The following SLC9A9 variants were observed in gnomAD, a reference collection of about 807,000 sequenced individuals.
SLC9A9 encodes the protein sodium/hydrogen exchanger 9.
SLC9A9 carries 62 observed loss-of-function variants against 77.8 expected under a neutral mutation model. The observed-to-expected ratio is 0.80, with a 90% CI of 0.65 to 0.98. SLC9A9 has a LOEUF of 0.98. SLC9A9 is among the 50% of genes least tolerant of loss of function. The pLI is 0.00. For synonymous variants in SLC9A9, 320 were observed against 283.5 expected, an observed-to-expected ratio of 1.13 and a Z score of -1.29; for missense variants, 775 against 774.9, an observed-to-expected ratio of 1.00 and a Z score of 0.00.
chr3:143,354,055 T>C (rs114135526), intron 14 of SLC9A9, among the ~76,000 whole-genome samples: 47 of 152,310 alleles, frequency 3.1e-4, no homozygotes, highest in African/African-American at 1.1e-3. Flanking sequence ...GGCTTATTCA[T>C]TGTCCCTCCA....
chr3:143,334,083 G>A (rs2031855873), intron 14 of SLC9A9, among the ~76,000 whole-genome samples: 1 of 152,188 alleles, frequency 6.6e-6, no homozygotes, highest in South Asian at 2.1e-4. Flanking sequence ...AAATCTCTGG[G>A]TAAAACATTT....
At chr3:143,582,125 T>C (rs1277906777) in intron 6 of SLC9A9, among the ~76,000 whole-genome samples, 1 of 152,190 alleles carries the variant, frequency 6.6e-6, no homozygotes, top group Non-Finnish European at 1.5e-5. Flanking sequence ...TTAGCAGACA[T>C]TGACTATGCA....
intron 14 of SLC9A9, chr3:143,313,330 T>A (rs1046124573): frequency 6.6e-6 from 1 of 152,236 alleles, no homozygotes; most frequent in African/African-American, 2.4e-5. Context: ...GCAGATTAAA[T>A]CATGTCCCTG....
In SLC9A9 at chr3:143,738,048, G is replaced by A. The variant is rs115896984; in HGVS notation, c.534-44741C>T. Reference sequence around the variant, plus strand: ...TTTGGTGCATTTCCCTTTATTACAGGGGTTGGAAGACCAAAAACTACATTT... The same window carrying A: ...TTTGGTGCATTTCCCTTTATTACAGAGGTTGGAAGACCAAAAACTACATTT... On this transcript the variant is annotated intron_variant, in intron 4 of 15. Transcript: ENST00000316549. 3.3e-3 allele frequency among the ~76,000 whole-genome samples: 503 copies of A among 152,112 alleles called. 5 individuals carry two copies. The highest frequency in any genetic ancestry group is 0.011 in the African/African-American group (471 of 41,490).
intron 6 of SLC9A9, among the ~76,000 whole-genome samples, chr3:143,606,436 CTATATATA>C (rs60773685): frequency 0.022 from 1,211 of 54,230 alleles, 28 homozygotes; most frequent in East Asian, 0.082. Context: ...CTCTCTCTCT[CTATATATA>C]TATATATATA....
intron 5 of SLC9A9, among the ~76,000 whole-genome samples, chr3:143,663,177 T>G (rs1042428395): frequency 2.0e-5 from 3 of 152,190 alleles, no homozygotes; most frequent in African/African-American, 7.2e-5. Context: ...AAACAGGGTC[T>G]GCAGTGGACC....
intron 14 of SLC9A9, among the ~76,000 whole-genome samples, chr3:143,331,626 G>A (rs572805365): frequency 2.7e-4 from 41 of 152,270 alleles, no homozygotes; most frequent in African/African-American, 8.7e-4. Flanking sequence ...TATTCAGTAG[G>A]CTCCTCCTGA....
chr3:143,557,805 A>T (rs2037012989), intron 8 of SLC9A9, among the ~76,000 whole-genome samples: 1 of 152,244 alleles, frequency 6.6e-6, no homozygotes, highest in African/African-American at 2.4e-5. Flanking sequence ...AGCATTCAAG[A>T]AAACTCAAAA....
At chr3:143,706,449 A>C (rs1198457317) in intron 4 of SLC9A9, among the ~76,000 whole-genome samples, 1 of 145,310 alleles carries the variant, frequency 6.9e-6, no homozygotes, top group East Asian at 2.0e-4. Flanking sequence ...GGCCCACTCT[A>C]CTTAGACTTT....
intron 6 of SLC9A9, among the ~76,000 whole-genome samples, chr3:143,631,472 A>G (rs1328733755): frequency 1.3e-5 from 2 of 152,180 alleles, no homozygotes; most frequent in Non-Finnish European, 2.9e-5. Flanking sequence ...TCAATATTAC[A>G]GGTGACAAAT....
chr3:143,389,353 A>G (rs1193646607), intron 12 of SLC9A9, among the ~76,000 whole-genome samples: 2 of 152,216 alleles, frequency 1.3e-5, no homozygotes, highest in Non-Finnish European at 2.9e-5. Context: ...CTAAGTTAGC[A>G]GTGGTGGAAA....
At chr3:143,785,982 A>G (rs916227359) in intron 4 of SLC9A9, among the ~76,000 whole-genome samples, 2 of 147,562 alleles carry the variant, frequency 1.4e-5, no homozygotes, top group Admixed American at 6.9e-5. Flanking sequence ...TCAGCCTCCC[A>G]TGTAGCTGGG....
At chr3:143,688,942 A>AC (rs201322930) in intron 5 of SLC9A9, among the ~76,000 whole-genome samples, 23 of 151,164 alleles carry the variant, frequency 1.5e-4, no homozygotes, top group Non-Finnish European at 1.8e-4. Context: ...AAATAGAAAA[A>AC]ATATATATAT....
chr3:143,737,903 C>A (rs141798533), intron 4 of SLC9A9, among the ~76,000 whole-genome samples: 1 of 152,160 alleles, frequency 6.6e-6, no homozygotes, highest in Non-Finnish European at 1.5e-5. Flanking sequence ...ATATGTAAGA[C>A]GTGTTCACAT....
chr3:143,812,247 C>T (rs1000070214), intron 2 of SLC9A9, among the ~76,000 whole-genome samples: 2 of 152,158 alleles, frequency 1.3e-5, no homozygotes, highest in Non-Finnish European at 2.9e-5. Flanking sequence ...CAACACCTCA[C>T]CGGAGAATTT....
At position 143,408,976 on chromosome 3, in the gene SLC9A9, G is replaced by A. The variant is rs556195365; in HGVS notation, c.1470-26862C>T. 2.0e-5 allele frequency among the ~76,000 whole-genome samples: 3 copies of A among 152,310 alleles called. No homozygotes were observed. The South Asian group carries it at 6.2e-4, about 32-fold the overall frequency. The stretch of plus-strand genomic sequence containing the variant: ...AAAAGGAAAAGACAAAAGAACCCCT[G>A]CCGGGACCGCATTTTGACAATTTCT... On this transcript the variant is annotated intron_variant, in intron 12 of 15. Coordinates refer to ENST00000316549, the MANE Select transcript of SLC9A9 (RefSeq NM_173653.4).
At chr3:143,425,911 C>G (rs2034395922) in intron 12 of SLC9A9, among the ~76,000 whole-genome samples, 1 of 151,952 alleles carries the variant, frequency 6.6e-6, no homozygotes, top group South Asian at 2.1e-4. Context: ...GAACTCTGAC[C>G]TTGACCCAGG....
At chr3:143,549,215 G>C (rs1220540608) in intron 9 of SLC9A9, among the ~76,000 whole-genome samples, 1 of 152,192 alleles carries the variant, frequency 6.6e-6, no homozygotes, top group Non-Finnish European at 1.5e-5. Context: ...ATGAGAATTT[G>C]AACTCTGCTT....
Position 143,762,286 on chromosome 3 carries a change from C to T in SLC9A9, c.533+32715G>A, listed in dbSNP as rs183206864. 2.8e-4 allele frequency among the ~76,000 whole-genome samples: 43 copies of T among 152,268 alleles called. 1 individual carries two copies. The East Asian group carries it at 8.1e-3, about 29-fold the overall frequency. On this transcript the variant is annotated intron_variant, in intron 4 of 15. Transcript: ENST00000316549. ...AGCACACCAACATGGCACATGTATA[C>T]ATATGTAACAAACCTGCACGTTGTG...
Sources: allele counts gnomAD v4.1 joint callset (sites outside exome capture counted in the v4.1 genomes callset), GRCh38; gene constraint gnomAD v4.1.1; transcripts MANE v1.5; gene names NCBI Gene and HGNC (gene_info 2026-07-23, HGNC 2026-07-21).